Variants in ATP6V1C1 observed in about 807,000 individuals in gnomAD.
The protein encoded by ATP6V1C1 is V-type proton ATPase subunit C 1.
In ATP6V1C1, 45 loss-of-function variants were observed where a neutral mutation model predicts 53.9. That is an observed-to-expected ratio of 0.83 (90% CI 0.66 to 1.07). The LOEUF is 1.07. ATP6V1C1 is among the 50% of genes least tolerant of loss of function. ATP6V1C1 has a pLI of 0.00. For synonymous variants in ATP6V1C1, 153 were observed against 155.2 expected (o/e 0.99, Z 0.11); for missense variants, 315 against 440.3 (o/e 0.72, Z 2.55).
rs771117914 is a variant in ATP6V1C1 at position 103,053,892 on chromosome 8, T to G, written c.482T>G (p.Leu161Trp). 1.2e-6 allele frequency: 2 copies of G among 1,610,584 alleles called. No individual in the cohort carries two copies. The highest frequency in any genetic ancestry group is 1.7e-5 in the Admixed American group (1 of 59,772). Residue 161 changes from leucine (L) to tryptophan (W), a missense_variant, in exon 7 of 13, where the codon TTG becomes TGG. By Grantham distance (61) the Leu-to-Trp change is moderately conservative (BLOSUM62 -2). Coordinates refer to ENST00000518738, the MANE Select transcript of ATP6V1C1 (RefSeq NM_001695.5). ...QNLERKNAGSLLTRSLAEIVK... is the reference protein window; with the variant it reads ...QNLERKNAGSWLTRSLAEIVK... ...TTGTTTTAATTCCTCAGAGGAAGTTTGCTAACTAGAAGTCTAGCAGAAATT... is the reference window on the plus strand; with the variant it reads ...TTGTTTTAATTCCTCAGAGGAAGTTGGCTAACTAGAAGTCTAGCAGAAATT...
chr8:103,051,038 C>T lies in ATP6V1C1; in HGVS notation c.287-12C>T. 6.5e-7 allele frequency: 1 copy of T among 1,537,668 alleles called. No individual in the cohort carries two copies. The stretch of plus-strand genomic sequence containing the variant: ...GTTTTTCTTCAGTAATTAATTTATT[C>T]CCTTATTTCAGTGGACTTGGTTACT... On this transcript the variant is annotated splice_polypyrimidine_tract_variant and intron_variant, in intron 4 of 12. Transcript: ENST00000518738.
chr8:103,059,677 C>T (rs936701469), intron 8 of ATP6V1C1, among the ~76,000 whole-genome samples: 1 of 152,056 alleles, frequency 6.6e-6, no homozygotes, highest in African/African-American at 2.4e-5. Flanking sequence ...CCCACTCCCC[C>T]AAGACCCACT....
chr8:103,062,835 G>T (rs1055065171), intron 8 of ATP6V1C1, 120 bp from the exon 9 acceptor site: 7 of 738,434 alleles, frequency 9.5e-6, no homozygotes, highest in South Asian at 3.3e-5. Flanking sequence ...AAGCATTGAG[G>T]TGATTTGGGA....
At chr8:103,053,712 G>A (rs1054702381) in intron 6 of ATP6V1C1, among the ~76,000 whole-genome samples, 172 bp from the exon 7 acceptor site, 1 of 151,944 alleles carries the variant, frequency 6.6e-6, no homozygotes, top group Admixed American at 6.6e-5. Flanking sequence ...TTGGTTGCAA[G>A]GGTAGGATAT....
At chr8:103,047,970 C>A (rs1439243497) in intron 3 of ATP6V1C1, among the ~76,000 whole-genome samples, 2 of 152,156 alleles carry the variant, frequency 1.3e-5, no homozygotes, top group South Asian at 2.1e-4. Context: ...ATTTTTGGAT[C>A]TTTCCAATGA....
chr8:103,052,438 A>T (rs1817217180), intron 5 of ATP6V1C1, among the ~76,000 whole-genome samples: 1 of 152,114 alleles, frequency 6.6e-6, no homozygotes, highest in African/African-American at 2.4e-5. Context: ...AGTAATCTCC[A>T]AACCCAGTGG....
rs375336829 is a variant in ATP6V1C1, at chr8:103,062,937, C to CT, written c.642-7dup. The CT allele has an allele frequency of 0.056, 53,923 of 966,278 alleles. 4 individuals carry two copies. The highest frequency in any genetic ancestry group is 0.061 in the Non-Finnish European group (42,503 of 692,836). 59.9% of individuals were successfully genotyped at this position (966,278 alleles called of 1,614,324 possible). A position where few individuals can be genotyped will look rare whatever the true frequency, so the allele number is the denominator to read the frequency against. The stretch of plus-strand genomic sequence containing the variant: ...CAATACGTATAAATCTTTAAATGGA[C>CT]TTTTTTTTTTTCCATAGTGTTCTTT... On this transcript the variant is annotated splice_polypyrimidine_tract_variant and intron_variant, in intron 8 of 12. Transcript: ENST00000518738.
In ATP6V1C1 at chr8:103,052,762, C is replaced by G; in HGVS notation, c.413C>G (p.Ser138Cys). Residue 138 changes from serine (S) to cysteine (C), a missense_variant, in exon 6 of 13, where the codon TCT becomes TGT. Physicochemically the swap from Ser to Cys is moderately radical, Grantham distance 112. Transcript: ENST00000518738. ...ACTCAGATTGATAATGACCTGAAAT[C>G]TCGAGCATCTGCATACAATAACCTG... ...GVTQIDNDLK[S>C]RASAYNNLKG... 2 of 1,594,940 alleles carry G rather than the reference C, an allele frequency of 1.3e-6. No individual in the cohort carries two copies. The highest frequency in any genetic ancestry group is 1.7e-6 in the Non-Finnish European group (2 of 1,172,410).
chr8:103,047,430 G>GCGCA (rs1491170438), intron 3 of ATP6V1C1, among the ~76,000 whole-genome samples: 266 of 104,940 alleles, frequency 2.5e-3, no homozygotes, highest in Middle Eastern at 5.7e-3. Context: ...AAATGCGCGC[G>GCGCA]CACACACACA....
intron 10 of ATP6V1C1, chr8:103,064,436 T>A (rs1817454554): frequency 4.7e-6 from 1 of 214,436 alleles, no homozygotes; most frequent in African/African-American, 2.3e-5. Context: ...TGTACCATTT[T>A]AACTACTTTT....
chr8:103,066,629 T>C (rs1817496088), intron 12 of ATP6V1C1, among the ~76,000 whole-genome samples, 182 bp downstream of exon 12: 1 of 152,226 alleles, frequency 6.6e-6, no homozygotes, highest in Admixed American at 6.5e-5. Flanking sequence ...TTTATACTAA[T>C]TATATCTGTG....
intron 8 of ATP6V1C1, among the ~76,000 whole-genome samples, chr8:103,058,750 TGAAA>T (rs1817335814): frequency 6.6e-6 from 1 of 152,238 alleles, no homozygotes; most frequent in Non-Finnish European, 1.5e-5. Flanking sequence ...TCCTCAAACC[TGAAA>T]GAATTTTAAA....
chr8:103,041,055 G>T (rs1512351), intron 2 of ATP6V1C1, 87 bp downstream of exon 2: 138,769 of 1,398,168 alleles, frequency 0.099, 7,507 homozygotes, highest in Non-Finnish European at 0.11. Flanking sequence ...AGATACCCAG[G>T]TTCCTTCCAA....
At chr8:103,045,334 G>A (rs984286273) in intron 3 of ATP6V1C1, among the ~76,000 whole-genome samples, 6 of 152,156 alleles carry the variant, frequency 3.9e-5, no homozygotes, top group Middle Eastern at 3.2e-3. Context: ...ATAACACCAT[G>A]TAGTGAGGAA....
At chr8:103,031,152 A>C (rs1816790539) in intron 1 of ATP6V1C1, among the ~76,000 whole-genome samples, 1 of 152,242 alleles carries the variant, frequency 6.6e-6, no homozygotes, top group Admixed American at 6.5e-5. Flanking sequence ...ACATGAACAT[A>C]ATGAGGAAAG....
intron 1 of ATP6V1C1, among the ~76,000 whole-genome samples, chr8:103,032,021 A>C (rs1563601047): frequency 6.6e-6 from 1 of 151,374 alleles, no homozygotes; most frequent in Non-Finnish European, 1.5e-5. Flanking sequence ...ACAAAAAACA[A>C]AAAACAAAAA....
intron 1 of ATP6V1C1, among the ~76,000 whole-genome samples, chr8:103,028,404 G>A (rs1816735478): frequency 6.6e-6 from 1 of 152,208 alleles, no homozygotes. Flanking sequence ...AGCAGGACTA[G>A]GGGTGTCTGT....
At chr8:103,061,401 A>C (rs1420780799) in intron 8 of ATP6V1C1, among the ~76,000 whole-genome samples, 2 of 152,208 alleles carry the variant, frequency 1.3e-5, no homozygotes, top group Non-Finnish European at 2.9e-5. Context: ...ACTTGGCTAA[A>C]CAGGTGGTTC....
rs546475923 is a variant in ATP6V1C1 at position 103,047,430 on chromosome 8, G to GCACACACA, written c.201-1413_201-1406dup. Reference sequence around the variant, plus strand: ...TTAAAAAAAAAAAAAAAATGCGCGCGCACACACACACACACACACACACAC... The same window carrying GCACACACA: ...TTAAAAAAAAAAAAAAAATGCGCGCGCACACACACACACACACACACACACACACACAC... On this transcript the variant is annotated intron_variant, in intron 3 of 12. Transcript: ENST00000518738. Among the ~76,000 whole-genome samples the GCACACACA allele has an allele frequency of 4.9e-3, 509 of 104,928 alleles. 4 individuals are homozygous for GCACACACA. The highest frequency in any genetic ancestry group is 0.017 in the Middle Eastern group (3 of 174). 68.8% of individuals were successfully genotyped at this position (104,928 alleles called of 152,430 possible).
Sources: gnomAD v4.1 joint callset for allele counts (sites outside exome capture counted in the v4.1 genomes callset) on GRCh38, gnomAD v4.1.1 for gene constraint, MANE v1.5 for transcripts, NCBI Gene and HGNC (gene_info 2026-07-23, HGNC 2026-07-21) for gene names.